The following SLC38A11 variants were observed in gnomAD, a reference collection of about 807,000 sequenced individuals.
SLC38A11 encodes the protein solute carrier family 38 member 11, also known as putative sodium-coupled neutral amino acid transporter 11.
In SLC38A11, 51 loss-of-function variants were observed where a neutral mutation model predicts 49.4. The observed-to-expected ratio is 1.03, with a 90% CI of 0.83 to 1.30. The LOEUF (loss-of-function observed/expected upper bound fraction) is 1.30. Among genes scored for constraint, SLC38A11 ranks in the 50% most tolerant of loss-of-function variants. SLC38A11 has a pLI of 0.00. For missense variants in SLC38A11, 574 were observed against 556.2 expected (o/e 1.03, Z -0.32); for synonymous variants, 203 against 192.9 (o/e 1.05, Z -0.43).
intron 3 of SLC38A11, among the ~76,000 whole-genome samples, chr2:164,946,002 A>T (rs1416402760): frequency 6.6e-6 from 1 of 152,318 alleles, no homozygotes; most frequent in East Asian, 1.9e-4. Context: ...ACTCGAGTCA[A>T]ACTGCCAGTG....
At chr2:164,951,598 G>C (rs1869544) in intron 3 of SLC38A11, among the ~76,000 whole-genome samples, 66,802 of 152,000 alleles carry the variant, frequency 0.44, 15,110 homozygotes, top group South Asian at 0.68. Flanking sequence ...GCTTTACTCT[G>C]TCTTCGTCAG....
chr2:164,940,601 C>A (rs1307573645), intron 5 of SLC38A11, among the ~76,000 whole-genome samples: 1 of 151,128 alleles, frequency 6.6e-6, no homozygotes, highest in Non-Finnish European at 1.5e-5. Flanking sequence ...AATGACACTA[C>A]TTTTCTTAGA....
At chr2:164,910,974 C>T (rs1350434891) in intron 10 of SLC38A11, among the ~76,000 whole-genome samples, 1 of 151,820 alleles carries the variant, frequency 6.6e-6, no homozygotes, top group Non-Finnish European at 1.5e-5. Context: ...TTAGAGCTGA[C>T]TTTGACAATA....
intron 11 of SLC38A11, among the ~76,000 whole-genome samples, chr2:164,901,887 G>C (rs143583228): frequency 6.6e-6 from 1 of 152,036 alleles, no homozygotes; most frequent in East Asian, 1.9e-4. Flanking sequence ...GTTAGCTGTA[G>C]GTTTTTCATA....
intron 6 of SLC38A11, among the ~76,000 whole-genome samples, chr2:164,938,274 C>T (rs1181349042): frequency 6.6e-6 from 1 of 152,092 alleles, no homozygotes; most frequent in Non-Finnish European, 1.5e-5. Flanking sequence ...GATTAAACAA[C>T]CTCTCTAAGG....
intron 3 of SLC38A11, among the ~76,000 whole-genome samples, chr2:164,952,441 T>C (rs923884906): frequency 1.3e-5 from 2 of 152,248 alleles, no homozygotes; most frequent in Non-Finnish European, 2.9e-5. Flanking sequence ...CCCCATCTAC[T>C]ACTTTCTGCA....
At chr2:164,946,054 A>C (rs950932075) in intron 3 of SLC38A11, among the ~76,000 whole-genome samples, 1 of 152,202 alleles carries the variant, frequency 6.6e-6, no homozygotes, top group African/African-American at 2.4e-5. Flanking sequence ...AGCAAATATT[A>C]TCAGGTTGAG....
intron 7 of SLC38A11, among the ~76,000 whole-genome samples, chr2:164,919,952 C>T (rs1359935203): frequency 6.6e-6 from 1 of 152,046 alleles, no homozygotes; most frequent in African/African-American, 2.4e-5. Flanking sequence ...ATTCTATTTA[C>T]AGCCTAGTGT....
At chr2:164,915,378 G>T in intron 8 of SLC38A11, 105 bp from the exon 9 acceptor site, 1 of 948,508 alleles carries the variant, frequency 1.1e-6, no homozygotes, top group Non-Finnish European at 1.5e-6. Context: ...ATGAACTGAA[G>T]TTTAAACATA....
chr2:164,920,639 T>G (rs1476990946), intron 7 of SLC38A11, among the ~76,000 whole-genome samples: 2 of 152,080 alleles, frequency 1.3e-5, no homozygotes, highest in East Asian at 3.9e-4. Context: ...GAGCTCATGA[T>G]GAGAAAGAGG....
chr2:164,936,099 G>A (rs904292065), intron 7 of SLC38A11, among the ~76,000 whole-genome samples: 2 of 152,084 alleles, frequency 1.3e-5, no homozygotes, highest in African/African-American at 4.8e-5. Context: ...ATTCTGAGAT[G>A]ACCAATACAA....
At chr2:164,946,407 A>C (rs1021095244) in intron 3 of SLC38A11, among the ~76,000 whole-genome samples, 10 of 151,896 alleles carry the variant, frequency 6.6e-5, no homozygotes, top group Non-Finnish European at 1.3e-4. Context: ...CTCTACTAAA[A>C]ATACAAAAAT....
At chr2:164,946,953 C>T (rs113309511) in intron 3 of SLC38A11, among the ~76,000 whole-genome samples, 1,765 of 152,096 alleles carry the variant, frequency 0.012, 15 homozygotes, top group Non-Finnish European at 0.018. Context: ...CACTGTTTCT[C>T]GTTGTCGTTG....
chr2:164,932,608 A>G (rs771312100), intron 7 of SLC38A11, among the ~76,000 whole-genome samples: 1 of 152,134 alleles, frequency 6.6e-6, no homozygotes, highest in African/African-American at 2.4e-5. Flanking sequence ...TGGAGAGGGC[A>G]TTATCCTTAG....
intron 7 of SLC38A11, among the ~76,000 whole-genome samples, chr2:164,929,634 A>ATCGTCTC (rs1261074358): frequency 6.6e-6 from 1 of 152,192 alleles, no homozygotes; most frequent in Non-Finnish European, 1.5e-5. Flanking sequence ...GTCTGATTTC[A>ATCGTCTC]TTAATTGAGC....
chr2:164,946,127 G>C (rs1688088968), intron 3 of SLC38A11, among the ~76,000 whole-genome samples: 1 of 152,166 alleles, frequency 6.6e-6, no homozygotes, highest in Admixed American at 6.5e-5. Flanking sequence ...AGTGTGTGAA[G>C]ACTGAGAATT....
chr2:164,937,584 C>G lies in SLC38A11; in HGVS notation c.538-155G>C. 5 of 561,768 alleles carry G rather than the reference C, an allele frequency of 8.9e-6. No homozygotes were observed. The South Asian group carries it at 1.0e-4, about 11-fold the overall frequency. 34.8% of individuals were successfully genotyped at this position (561,768 alleles called of 1,614,324 possible). On this transcript the variant is annotated intron_variant, in intron 6 of 11. Coordinates refer to ENST00000685975, the MANE Select transcript of SLC38A11 (RefSeq NM_001351537.2). ...ATTCTTGCAGCTTGGTGTTGATAAT[C>G]TCAGGCAGGTAACTTCTTATCAGAT...
chr2:164,940,419 A>AT (rs879330402), intron 5 of SLC38A11, among the ~76,000 whole-genome samples: 1 of 151,106 alleles, frequency 6.6e-6, no homozygotes, highest in Non-Finnish European at 1.5e-5. Flanking sequence ...TATTGTTTAA[A>AT]TTTTTAGCTC....
In SLC38A11 at chr2:164,897,471, A is replaced by G. The variant is rs534190331; in HGVS notation, c.*966T>C. The G allele has an allele frequency of 6.6e-6, 1 of 152,384 alleles. No homozygotes were observed. Among genetic ancestry groups the G allele is most frequent in the South Asian group, 2.1e-4 (1 of 4,828 alleles). The allele number at this position is 152,384 out of a possible 1,614,324, so 9.4% of individuals were successfully genotyped here. A position where few individuals can be genotyped will look rare whatever the true frequency, so the allele number is the denominator to read the frequency against. ...CTGCACTGCAGTTCTACCTCTCCCT[A>G]ACAATCCTGCTTTCCCCTCTCTCCC... On this transcript the variant is annotated 3_prime_UTR_variant, in exon 12 of 12. Coordinates refer to ENST00000685975, the MANE Select transcript of SLC38A11 (RefSeq NM_001351537.2).
Sources: gnomAD v4.1 joint callset for allele counts (sites outside exome capture counted in the v4.1 genomes callset) on GRCh38, gnomAD v4.1.1 for gene constraint, MANE v1.5 for transcripts, NCBI Gene and HGNC (gene_info 2026-07-23, HGNC 2026-07-21) for gene names.